Variants in GALNT12 observed in about 807,000 individuals in gnomAD.
GALNT12 encodes polypeptide N-acetylgalactosaminyltransferase 12, also known as UDP-GalNAc:polypeptide N-acetylgalactosaminyltransferase 12.
Under a neutral mutation model 55.5 loss-of-function variants are expected in GALNT12, and 45 were observed. The observed-to-expected ratio is 0.81, with a 90% CI of 0.64 to 1.04. The LOEUF is 1.04. Among genes scored for constraint, GALNT12 ranks in the 50% least tolerant of loss-of-function variants. The probability of loss-of-function intolerance (pLI) is 0.00; values close to 1 mark genes in which losing one functional copy is unlikely to be tolerated. For synonymous variants in GALNT12, 304 were observed against 312.2 expected, an observed-to-expected ratio of 0.97 and a Z score of 0.28; for missense variants, 709 against 754.8, an observed-to-expected ratio of 0.94 and a Z score of 0.71.
At chr9:98,825,343 G>C (rs956049956) in intron 2 of GALNT12, among the ~76,000 whole-genome samples, 4 of 152,224 alleles carry the variant, frequency 2.6e-5, no homozygotes, top group African/African-American at 9.6e-5. Flanking sequence ...ATGTGAGGCA[G>C]TGTGGACCAA....
intron 1 of GALNT12, among the ~76,000 whole-genome samples, chr9:98,811,656 G>A (rs1835497774): frequency 6.6e-6 from 1 of 151,806 alleles, no homozygotes; most frequent in Admixed American, 6.6e-5. Flanking sequence ...TTTGGGTGCT[G>A]GGATGGCAAA....
At chr9:98,811,282 A>C (rs956210761) in intron 1 of GALNT12, among the ~76,000 whole-genome samples, 2 of 152,252 alleles carry the variant, frequency 1.3e-5, no homozygotes, top group Non-Finnish European at 2.9e-5. Flanking sequence ...ATCATAGTCA[A>C]CTGAGTGGTG....
intron 2 of GALNT12, among the ~76,000 whole-genome samples, chr9:98,825,800 C>T (rs1329719315): frequency 6.6e-6 from 1 of 151,744 alleles, no homozygotes; most frequent in Non-Finnish European, 1.5e-5. Flanking sequence ...CATAGGAAGA[C>T]CCTATGTCTA....
rs1229125483 is a variant in GALNT12, at chr9:98,849,065, A to G, written c.1719A>G (p.Lys573=). Residue 573 remains lysine (K), a synonymous_variant, in exon 10 of 10, where the codon AAA becomes AAG. Transcript: ENST00000375011. ...LRDCTNSDHQ[K]WFFKERML ...ACTGCACCAACTCGGATCATCAGAA[A>G]TGGTTCTTCAAAGAGCGCATGTTAT... is the stretch of plus-strand genomic sequence containing the variant. The G allele has an allele frequency of 2.5e-6, 4 of 1,614,108 alleles. No individual in the cohort carries two copies. The South Asian group carries it at 3.3e-5, about 13-fold the overall frequency.
intron 7 of GALNT12, 96 bp from the exon 8 acceptor site, chr9:98,844,000 C>A: frequency 1.3e-6 from 1 of 785,204 alleles, no homozygotes; most frequent in Admixed American, 1.9e-5. Context: ...TTGAAGCAGG[C>A]TCTCCTCTCA....
intron 1 of GALNT12, among the ~76,000 whole-genome samples, chr9:98,816,209 A>G (rs1348721118): frequency 6.6e-6 from 1 of 152,182 alleles, no homozygotes; most frequent in African/African-American, 2.4e-5. Context: ...TAGGCAAGAA[A>G]TGTTTATGTA....
At chr9:98,840,219 G>C in intron 7 of GALNT12, 86 bp downstream of exon 7, 1 of 1,547,124 alleles carries the variant, frequency 6.5e-7, no homozygotes, top group Non-Finnish European at 8.9e-7. Context: ...GAAAGGCCAC[G>C]TCATGGGGAG....
At chr9:98,823,578 A>C (rs1455109072) in intron 2 of GALNT12, among the ~76,000 whole-genome samples, 153 bp downstream of exon 2, 1 of 152,228 alleles carries the variant, frequency 6.6e-6, no homozygotes, top group Non-Finnish European at 1.5e-5. Context: ...ATAGTAGCCC[A>C]GAAACAGTAG....
Position 98,849,460 on chromosome 9 carries a change from A to G in GALNT12, c.*368A>G, listed in dbSNP as rs1278713837. On this transcript the variant is annotated 3_prime_UTR_variant, in exon 10 of 10. Transcript: ENST00000375011. The stretch of plus-strand genomic sequence containing the variant: ...TAAAGATTTTATTTTGGTATTTACA[A>G]GAATTCCCAGGTACGAAGATATCTG... 4 of 536,626 alleles carry G rather than the reference A, an allele frequency of 7.5e-6. No individual in the cohort carries two copies. In the Admixed American group the frequency reaches 1.1e-4, roughly 15 times the overall value. 33.2% of individuals were successfully genotyped at this position (536,626 alleles called of 1,614,324 possible). A position where few individuals can be genotyped will look rare whatever the true frequency, so the allele number is the denominator to read the frequency against.
chr9:98,826,249 T>C (rs1419526675), intron 2 of GALNT12, among the ~76,000 whole-genome samples: 1 of 152,198 alleles, frequency 6.6e-6, no homozygotes. Flanking sequence ...ATCACCTAGG[T>C]AGTACTTGGC....
At position 98,831,976 on chromosome 9, in the gene GALNT12, G is replaced by A; in HGVS notation, c.917+19G>A. On this transcript the variant is annotated intron_variant, in intron 4 of 9. Transcript: ENST00000375011. ...TCATCAGGTCAGGAGCTGACTTCTG[G>A]GTGACTTGTTTTTTAAGCATGCCTC... The A allele has an allele frequency of 6.2e-7, 1 of 1,607,608 alleles. No homozygotes were observed. The highest frequency in any genetic ancestry group is 1.7e-5 in the Admixed American group (1 of 59,708).
intron 5 of GALNT12, among the ~76,000 whole-genome samples, chr9:98,836,199 T>C (rs1286194071): frequency 6.6e-6 from 1 of 152,238 alleles, no homozygotes; most frequent in Non-Finnish European, 1.5e-5. Flanking sequence ...AAAACCGTAT[T>C]GGAAAACTCC....
intron 5 of GALNT12, 24 bp from the exon 6 acceptor site, chr9:98,836,948 G>T: frequency 6.2e-7 from 1 of 1,613,626 alleles, no homozygotes; most frequent in Non-Finnish European, 8.5e-7. Context: ...TCACCACCTG[G>T]CCTCTCCTTT....
intron 3 of GALNT12, among the ~76,000 whole-genome samples, chr9:98,827,989 C>G (rs903852882): frequency 1.3e-5 from 2 of 152,132 alleles, no homozygotes; most frequent in African/African-American, 4.8e-5. Flanking sequence ...TGCTCTGCCT[C>G]GTCTCTCTGC....
At chr9:98,809,740 T>A (rs1324504268) in intron 1 of GALNT12, among the ~76,000 whole-genome samples, 1 of 152,236 alleles carries the variant, frequency 6.6e-6, no homozygotes, top group Admixed American at 6.5e-5. Context: ...TTGAGAGTCA[T>A]CCAGGGATTG....
intron 3 of GALNT12, among the ~76,000 whole-genome samples, chr9:98,828,245 C>G (rs1564253858): frequency 6.6e-6 from 1 of 152,194 alleles, no homozygotes; most frequent in African/African-American, 2.4e-5. Context: ...CCAGCTGCCC[C>G]CTGCCCTGCC....
chr9:98,835,216 C>G, intron 4 of GALNT12, 33 bp from the exon 5 acceptor site: 1 of 1,412,456 alleles, frequency 7.1e-7, no homozygotes, highest in African/African-American at 1.4e-5. Context: ...TTTCTGCTGT[C>G]TACAGTGAAA....
At chr9:98,827,042 G>C in intron 3 of GALNT12, 101 bp downstream of exon 3, 1 of 1,249,174 alleles carries the variant, frequency 8.0e-7, no homozygotes, top group Non-Finnish European at 1.1e-6. Context: ...GGGTTGCCTG[G>C]GCTCAGCTGC....
Position 98,823,305 on chromosome 9 carries a change from A to G in GALNT12, c.421A>G (p.Ile141Val). 6.2e-7 allele frequency: 1 copy of G among 1,614,154 alleles called. No individual in the cohort carries two copies. The highest frequency in any genetic ancestry group is 8.5e-7 in the Non-Finnish European group (1 of 1,179,960). ...DYDNLPRTSV[I>V]IAFYNEAWST... ...TGATAATTTGCCCAGGACATCTGTT[A>G]TCATAGCATTTTATAATGAAGCCTG... Residue 141 changes from isoleucine to valine, a missense_variant, in exon 2 of 10, where the codon ATC becomes GTC. Coordinates refer to ENST00000375011, the MANE Select transcript of GALNT12 (RefSeq NM_024642.5).
Sources: allele counts gnomAD v4.1 joint callset (sites outside exome capture counted in the v4.1 genomes callset), GRCh38; gene constraint gnomAD v4.1.1; transcripts MANE v1.5; gene names NCBI Gene and HGNC (gene_info 2026-07-23, HGNC 2026-07-21).